Variants in DGKB observed in about 807,000 individuals in gnomAD.
DGKB encodes diacylglycerol kinase beta, also known as 90 kDa diacylglycerol kinase.
A neutral mutation model predicts 114.3 loss-of-function variants in DGKB; 67 were observed. The ratio of observed to expected loss-of-function variants is 0.59; its 90% CI spans 0.48 to 0.72. The LOEUF (loss-of-function observed/expected upper bound fraction) is 0.72, where lower values mean the gene tolerates loss of function less well. Ranked by LOEUF, DGKB falls within the 30% of genes least tolerant of loss-of-function variation. DGKB has a pLI of 0.00. For missense variants in DGKB, 907 were observed against 975.2 expected, an observed-to-expected ratio of 0.93 and a Z score of 0.93; for synonymous variants, 398 against 323.1, an observed-to-expected ratio of 1.23 and a Z score of -2.49.
At chr7:14,482,669 C>G (rs967647017) in intron 20 of DGKB, among the ~76,000 whole-genome samples, 2 of 151,996 alleles carry the variant, frequency 1.3e-5, no homozygotes, top group Non-Finnish European at 2.9e-5. Flanking sequence ...TTAGATTGAG[C>G]TTTTAGGTAA....
At chr7:14,237,798 C>A (rs1018533055) in intron 23 of DGKB, among the ~76,000 whole-genome samples, 2 of 151,770 alleles carry the variant, frequency 1.3e-5, no homozygotes, top group Non-Finnish European at 2.9e-5. Context: ...ACATAAAAAA[C>A]AAGACGTTTG....
intron 21 of DGKB, among the ~76,000 whole-genome samples, chr7:14,359,648 G>A (rs1188634597): frequency 1.3e-5 from 2 of 152,108 alleles, no homozygotes; most frequent in East Asian, 3.9e-4. Flanking sequence ...CCATCAAAAA[G>A]TGGGCAAAGG....
chr7:14,234,832 C>A (rs1453101398), intron 23 of DGKB, among the ~76,000 whole-genome samples: 1 of 152,042 alleles, frequency 6.6e-6, no homozygotes, highest in Non-Finnish European at 1.5e-5. Context: ...TCTACCCCAA[C>A]ATTTCATAAT....
chr7:14,373,719 G>A (rs754040196), intron 21 of DGKB, among the ~76,000 whole-genome samples: 15 of 152,118 alleles, frequency 9.9e-5, no homozygotes, highest in Non-Finnish European at 2.1e-4. Context: ...AGAACAAGCA[G>A]TAGAAGAGGT....
intron 21 of DGKB, among the ~76,000 whole-genome samples, chr7:14,372,549 A>C (rs1817833745): frequency 6.6e-6 from 1 of 152,098 alleles, no homozygotes; most frequent in Non-Finnish European, 1.5e-5. Flanking sequence ...CACCTTGATA[A>C]ATATCTTTAC....
chr7:14,389,021 T>G lies in DGKB; in HGVS notation c.1836-43630A>C, dbSNP rs77355024. ...CCTTTCATGATAGCCTCCTCAGACC[T>G]TGCCAGCTTGAACAATAAATTACAA... On this transcript the variant is annotated intron_variant, in intron 21 of 25. Transcript: ENST00000402815. Among the ~76,000 whole-genome samples the G allele has an allele frequency of 5.1e-3, 773 of 152,314 alleles. 5 individuals carry two copies. Among genetic ancestry groups the G allele is most frequent in the Middle Eastern group, 0.017 (5 of 294 alleles).
At chr7:14,887,094 G>A (rs1029606211) in intron 1 of DGKB, among the ~76,000 whole-genome samples, 1 of 151,630 alleles carries the variant, frequency 6.6e-6, no homozygotes, top group African/African-American at 2.4e-5. Flanking sequence ...AAAGATTTCT[G>A]GTGTGATTTC....
intron 21 of DGKB, among the ~76,000 whole-genome samples, chr7:14,360,008 T>C (rs184401531): frequency 6.6e-5 from 10 of 152,192 alleles, no homozygotes; most frequent in Admixed American, 1.3e-4. Flanking sequence ...TAAAGACACA[T>C]GCACAGGTAT....
chr7:14,796,554 G>T (rs1314718399), intron 2 of DGKB, among the ~76,000 whole-genome samples: 3 of 152,030 alleles, frequency 2.0e-5, no homozygotes, highest in Non-Finnish European at 4.4e-5. Flanking sequence ...GAAGACAAAA[G>T]CATAATCAAA....
chr7:14,955,216 T>G (rs1031563851), intron 1 of DGKB, among the ~76,000 whole-genome samples: 1 of 151,998 alleles, frequency 6.6e-6, no homozygotes, highest in African/African-American at 2.4e-5. Flanking sequence ...AATGAAAAAT[T>G]TAGGGCAGAA....
At chr7:14,466,862 AGGC>A (rs1177312073) in intron 21 of DGKB, among the ~76,000 whole-genome samples, 1 of 152,092 alleles carries the variant, frequency 6.6e-6, no homozygotes, top group East Asian at 1.9e-4. Flanking sequence ...TTATATAGAG[AGGC>A]TAGATGGATT....
At chr7:14,714,021 A>C (rs1420175474) in intron 6 of DGKB, among the ~76,000 whole-genome samples, 2 of 151,746 alleles carry the variant, frequency 1.3e-5, no homozygotes, top group Non-Finnish European at 2.9e-5. Flanking sequence ...ATTTTTACCC[A>C]TTGACTTTAA....
chr7:14,651,145 G>T (rs905337065), intron 13 of DGKB, among the ~76,000 whole-genome samples: 16 of 152,038 alleles, frequency 1.1e-4, no homozygotes, highest in African/African-American at 1.9e-4. Context: ...TAACTCATTT[G>T]ATGAGGCCAG....
chr7:14,712,763 G>C (rs764304530), intron 6 of DGKB, among the ~76,000 whole-genome samples: 2 of 151,914 alleles, frequency 1.3e-5, no homozygotes, highest in Non-Finnish European at 2.9e-5. Context: ...GTTTGGCCTG[G>C]TGAGCCTATA....
intron 21 of DGKB, among the ~76,000 whole-genome samples, chr7:14,434,675 GTTGTT>G (rs1828979170): frequency 6.6e-6 from 1 of 152,124 alleles, no homozygotes; most frequent in Admixed American, 6.6e-5. Flanking sequence ...AAATGTGTAT[GTTGTT>G]TTAAGTTACT....
intron 23 of DGKB, among the ~76,000 whole-genome samples, chr7:14,199,315 G>A (rs1785480772): frequency 6.6e-6 from 1 of 150,842 alleles, no homozygotes; most frequent in Non-Finnish European, 1.5e-5. Flanking sequence ...TAAAGTGGTG[G>A]GGGGAATACA....
intron 1 of DGKB, among the ~76,000 whole-genome samples, chr7:14,910,556 A>G (rs1783949704): frequency 6.6e-6 from 1 of 152,194 alleles, no homozygotes; most frequent in South Asian, 2.1e-4. Flanking sequence ...TATATGATCA[A>G]CAAATAACAC....
intron 21 of DGKB, among the ~76,000 whole-genome samples, chr7:14,383,635 T>C (rs1432815870): frequency 6.6e-6 from 1 of 152,136 alleles, no homozygotes; most frequent in Non-Finnish European, 1.5e-5. Context: ...ACCAGGCCAG[T>C]AGAATGAAGA....
chr7:14,583,008 C>A, intron 18 of DGKB, 44 bp downstream of exon 18: 1 of 1,213,770 alleles, frequency 8.2e-7, no homozygotes, highest in Non-Finnish European at 1.2e-6. Flanking sequence ...GGATTTAAAG[C>A]TATTGCTCTC....
Sources: gnomAD v4.1 joint callset for allele counts (sites outside exome capture counted in the v4.1 genomes callset) on GRCh38, gnomAD v4.1.1 for gene constraint, MANE v1.5 for transcripts, NCBI Gene and HGNC (gene_info 2026-07-23, HGNC 2026-07-21) for gene names.